Variants in BMP6 observed in about 807,000 individuals in gnomAD.
The protein encoded by BMP6 is VG-1-R.
BMP6 carries 17 observed loss-of-function variants against 54.1 expected under a neutral mutation model. The observed-to-expected ratio is 0.31, with a 90% CI of 0.22 to 0.47. BMP6 has a LOEUF of 0.47. Among genes scored for constraint, BMP6 ranks in the 20% least tolerant of loss-of-function variants. BMP6 has a pLI of 1.00. For missense variants in BMP6, 720 were observed against 690.4 expected, an observed-to-expected ratio of 1.04 and a Z score of -0.48; for synonymous variants, 328 against 291.2, an observed-to-expected ratio of 1.13 and a Z score of -1.28.
At chr6:7,812,147 T>C (rs1170247350) in intron 1 of BMP6, among the ~76,000 whole-genome samples, 2 of 152,222 alleles carry the variant, frequency 1.3e-5, no homozygotes, top group Non-Finnish European at 2.9e-5. Flanking sequence ...AATTGTGTTA[T>C]TGGATTGAGA....
intron 1 of BMP6, among the ~76,000 whole-genome samples, chr6:7,780,134 A>C (rs986767914): frequency 5.3e-5 from 8 of 152,202 alleles, no homozygotes; most frequent in Non-Finnish European, 1.0e-4. Context: ...GGCTTATTCT[A>C]GGGAAGCAGG....
At chr6:7,749,703 A>G (rs1757393518) in intron 1 of BMP6, among the ~76,000 whole-genome samples, 1 of 152,206 alleles carries the variant, frequency 6.6e-6, no homozygotes. Flanking sequence ...CACAGCCCTG[A>G]GTGCAGACGG....
At chr6:7,838,604 T>A (rs1335489140) in intron 1 of BMP6, among the ~76,000 whole-genome samples, 1 of 152,170 alleles carries the variant, frequency 6.6e-6, no homozygotes, top group Non-Finnish European at 1.5e-5. Context: ...TCCTTGCCGC[T>A]CTCCTGATTT....
At chr6:7,787,521 G>T (rs967274028) in intron 1 of BMP6, among the ~76,000 whole-genome samples, 1 of 152,118 alleles carries the variant, frequency 6.6e-6, no homozygotes, top group Non-Finnish European at 1.5e-5. Flanking sequence ...AAAAAAGCTC[G>T]AAGAGGAATC....
chr6:7,783,768 A>G (rs571803185), intron 1 of BMP6, among the ~76,000 whole-genome samples: 3 of 152,364 alleles, frequency 2.0e-5, no homozygotes, highest in Non-Finnish European at 4.4e-5. Flanking sequence ...CATTCAGTCC[A>G]TTCCAAATAG....
rs184892524 is a variant in BMP6 at position 7,878,477 on chromosome 6, T to C, written c.1205-597T>C. On this transcript the variant is annotated intron_variant, in intron 4 of 6. Coordinates refer to ENST00000283147, the MANE Select transcript of BMP6 (RefSeq NM_001718.6). ...CTGAGGAACCCCTGGCTTAGTGTTA[T>C]TGCATCAGCACACAAGAGCTCAACC... Among the ~76,000 whole-genome samples, 351 of 152,264 alleles carry C rather than the reference T, an allele frequency of 2.3e-3. 1 individual carries two copies. The highest frequency in any genetic ancestry group is 4.1e-3 in the Non-Finnish European group (281 of 68,002).
chr6:7,778,034 C>T (rs939221394), intron 1 of BMP6, among the ~76,000 whole-genome samples: 1 of 152,118 alleles, frequency 6.6e-6, no homozygotes, highest in Non-Finnish European at 1.5e-5. Flanking sequence ...TGGTTACATA[C>T]TCCCAGGCAG....
chr6:7,784,243 G>A (rs78798600), intron 1 of BMP6, among the ~76,000 whole-genome samples: 9,794 of 151,984 alleles, frequency 0.064, 345 homozygotes, highest in Middle Eastern at 0.086. Context: ...ATTTTTTTAC[G>A]TTTCATCATT....
At chr6:7,808,879 A>G (rs370721538) in intron 1 of BMP6, among the ~76,000 whole-genome samples, 53 of 142,342 alleles carry the variant, frequency 3.7e-4, no homozygotes, top group African/African-American at 1.4e-3. Context: ...GTGGAACTGC[A>G]CTCCAGCCTG....
At chr6:7,816,993 G>T (rs1468641116) in intron 1 of BMP6, among the ~76,000 whole-genome samples, 4 of 152,040 alleles carry the variant, frequency 2.6e-5, no homozygotes, top group African/African-American at 4.8e-5. Flanking sequence ...ACTTGGAAAA[G>T]AAAGAGATCA....
At chr6:7,869,995 C>G (rs1022641305) in intron 4 of BMP6, among the ~76,000 whole-genome samples, 1 of 152,156 alleles carries the variant, frequency 6.6e-6, no homozygotes, top group African/African-American at 2.4e-5. Context: ...ACCCTCAGAA[C>G]AGGACTCTCA....
chr6:7,838,678 C>G (rs947502511), intron 1 of BMP6, among the ~76,000 whole-genome samples: 2 of 152,114 alleles, frequency 1.3e-5, no homozygotes, highest in Non-Finnish European at 2.9e-5. Context: ...CGCGGTGGCT[C>G]ACGCCTGTAA....
intron 4 of BMP6, among the ~76,000 whole-genome samples, chr6:7,869,584 C>T (rs1759487205): frequency 6.6e-6 from 1 of 152,152 alleles, no homozygotes; most frequent in Admixed American, 6.5e-5. Flanking sequence ...GAGAGCTATT[C>T]TGCAGTTTTC....
At chr6:7,879,006 C>A in intron 4 of BMP6, 68 bp from the exon 5 acceptor site, 1 of 1,487,850 alleles carries the variant, frequency 6.7e-7, no homozygotes. Flanking sequence ...GGTAAACTCT[C>A]TATGAAGGAA....
At chr6:7,872,286 A>G (rs1759540653) in intron 4 of BMP6, among the ~76,000 whole-genome samples, 1 of 137,794 alleles carries the variant, frequency 7.3e-6, no homozygotes, top group Non-Finnish European at 1.5e-5. Context: ...TAATCTGTCA[A>G]TCTGTTTAAA....
chr6:7,857,858 G>A, intron 2 of BMP6, among the ~76,000 whole-genome samples: 1 of 152,196 alleles, frequency 6.6e-6, no homozygotes, highest in East Asian at 1.9e-4. Flanking sequence ...GTGTCTTAAA[G>A]CTTCATTCCT....
chr6:7,876,958 G>C (rs1392497599), intron 4 of BMP6, among the ~76,000 whole-genome samples: 3 of 151,792 alleles, frequency 2.0e-5, no homozygotes, highest in Non-Finnish European at 2.9e-5. Context: ...TTAGAGCTTA[G>C]TTCAGATGAC....
At chr6:7,861,358 C>A in intron 2 of BMP6, 93 bp from the exon 3 acceptor site, 1 of 1,494,612 alleles carries the variant, frequency 6.7e-7, no homozygotes. Flanking sequence ...TGATCTGACT[C>A]GGGCATGTTT....
intron 1 of BMP6, among the ~76,000 whole-genome samples, chr6:7,792,248 T>C (rs1561773460): frequency 6.6e-6 from 1 of 152,162 alleles, no homozygotes; most frequent in African/African-American, 2.4e-5. Context: ...TTATCAAGGG[T>C]GGTCTCCTTT....
Sources: allele counts gnomAD v4.1 joint callset (sites outside exome capture counted in the v4.1 genomes callset), GRCh38; gene constraint gnomAD v4.1.1; transcripts MANE v1.5; gene names NCBI Gene and HGNC (gene_info 2026-07-23, HGNC 2026-07-21).